GPBP1L1: variants seen among roughly 807,000 people sequenced by gnomAD.
The protein encoded by GPBP1L1 is vasculin-like protein 1.
In GPBP1L1, 23 loss-of-function variants were observed where a neutral mutation model predicts 52.5. That is an observed-to-expected ratio of 0.44 (90% CI 0.32 to 0.62). The LOEUF is 0.62. Ranked by LOEUF, GPBP1L1 falls within the 20% of genes least tolerant of loss-of-function variation. The pLI is 0.06. For synonymous variants in GPBP1L1, 243 were observed against 203.1 expected, an observed-to-expected ratio of 1.20 and a Z score of -1.67; for missense variants, 596 against 579.3, an observed-to-expected ratio of 1.03 and a Z score of -0.30.
intron 6 of GPBP1L1, among the ~76,000 whole-genome samples, chr1:45,647,166 ATTT>A (rs778113669): frequency 3.6e-5 from 4 of 112,646 alleles, no homozygotes; most frequent in Admixed American, 9.7e-5. Flanking sequence ...ACTTCTTAGG[ATTT>A]TTTTTTTTTT....
At chr1:45,639,043 A>G (rs766152111) in intron 8 of GPBP1L1, among the ~76,000 whole-genome samples, 47 of 152,176 alleles carry the variant, frequency 3.1e-4, no homozygotes, top group Admixed American at 4.6e-4. Context: ...ACATTTTTAA[A>G]GAGCTGGAAA....
intron 2 of GPBP1L1, among the ~76,000 whole-genome samples, chr1:45,662,211 C>T (rs1390522116): frequency 6.6e-6 from 1 of 152,150 alleles, no homozygotes; most frequent in African/African-American, 2.4e-5. Context: ...CTCGCTGCAT[C>T]CTTGAACTCC....
At chr1:45,637,565 CCT>C (rs1262409821) in intron 8 of GPBP1L1, among the ~76,000 whole-genome samples, 2 of 103,306 alleles carry the variant, frequency 1.9e-5, no homozygotes, top group African/African-American at 6.7e-5. Flanking sequence ...TCATTCTACC[CCT>C]GACTCACAAC....
chr1:45,647,182 T>C (rs1322649315), intron 6 of GPBP1L1, among the ~76,000 whole-genome samples: 1 of 151,734 alleles, frequency 6.6e-6, no homozygotes, highest in Admixed American at 6.6e-5. Flanking sequence ...TTTTTTTTTT[T>C]TCTGAGACCA....
chr1:45,644,202 G>A (rs1644710892), intron 6 of GPBP1L1, among the ~76,000 whole-genome samples: 1 of 152,132 alleles, frequency 6.6e-6, no homozygotes, highest in South Asian at 2.1e-4. Flanking sequence ...TTCAAGGACA[G>A]GTAAATACAT....
At chr1:45,663,049 T>TGAAAAAAAAAA (rs1211847843) in intron 2 of GPBP1L1, among the ~76,000 whole-genome samples, 1 of 15,346 alleles carries the variant, frequency 6.5e-5, no homozygotes, top group Non-Finnish European at 1.5e-4. Flanking sequence ...AGACTCTGTC[T>TGAAAAAAAAAA]CAAAAAAAAA....
Position 45,660,367 on chromosome 1 carries a change from C to G in GPBP1L1, c.-239G>C. The G allele has an allele frequency of 1.0e-6, 1 of 984,386 alleles. No homozygotes were observed. The highest frequency in any genetic ancestry group is 1.2e-6 in the Non-Finnish European group (1 of 829,756). 61.0% of individuals were successfully genotyped at this position (984,386 alleles called of 1,614,324 possible). On this transcript the variant is annotated 5_prime_UTR_variant, in exon 3 of 13. It removes the in-frame stop codon of an upstream open reading frame in the 5' UTR. Coordinates refer to ENST00000355105, the MANE Select transcript of GPBP1L1 (RefSeq NM_021639.5). ...AGTCCCCTCAACTGCTCATCTTAAA[C>G]TATTTGGTTCCTGACACGTTTCCAA...
rs1434895885 is a variant in GPBP1L1, at chr1:45,637,209, GAC to G, written c.745-2975_745-2974del. Among the ~76,000 whole-genome samples the G allele has an allele frequency of 3.3e-5, 5 of 152,240 alleles. No homozygotes were observed. The East Asian group carries it at 7.7e-4, about 23-fold the overall frequency. Reference sequence around the variant, plus strand: ...CCAAGTATTATTTTGTGTCTCTAGTGACACAGTGTTTACTACTCAGATACTCA... The same window carrying G: ...CCAAGTATTATTTTGTGTCTCTAGTGACAGTGTTTACTACTCAGATACTCA... On this transcript the variant is annotated intron_variant, in intron 8 of 12. Transcript: ENST00000355105.
intron 2 of GPBP1L1, among the ~76,000 whole-genome samples, chr1:45,665,185 G>T (rs543364982): frequency 2.1e-4 from 32 of 152,056 alleles, no homozygotes; most frequent in Non-Finnish European, 3.7e-4. Context: ...AGCTACTTGG[G>T]AGGCTGAGGC....
At chr1:45,658,975 A>AC in intron 4 of GPBP1L1, 53 bp downstream of exon 4, 4 of 1,257,362 alleles carry the variant, frequency 3.2e-6, no homozygotes, top group Non-Finnish European at 4.6e-6. Context: ...AACCAAAACC[A>AC]CCCCCAAACC....
chr1:45,658,067 A>G (rs929240356), intron 4 of GPBP1L1, among the ~76,000 whole-genome samples: 16 of 152,196 alleles, frequency 1.1e-4, no homozygotes, highest in Non-Finnish European at 1.5e-5. Context: ...CGTTTTATCA[A>G]TAACTCAGGC....
chr1:45,660,263 G>T lies in GPBP1L1; in HGVS notation c.-135C>A. On this transcript the variant is annotated 5_prime_UTR_variant, in exon 3 of 13. Coordinates refer to ENST00000355105, the MANE Select transcript of GPBP1L1 (RefSeq NM_021639.5). ...CTCCCACAAGGTTTCCTTGTTAAAA[G>T]GGTGCTTAAGTAACCTGGCCGGCAG... The T allele has an allele frequency of 1.0e-6, 1 of 985,294 alleles. No homozygotes were observed. Among genetic ancestry groups the T allele is most frequent in the African/African-American group, 1.7e-5 (1 of 57,300 alleles). 61.0% of individuals were successfully genotyped at this position (985,294 alleles called of 1,614,324 possible).
At chr1:45,633,809 G>T in intron 9 of GPBP1L1, 162 bp from the exon 10 acceptor site, 1 of 768,858 alleles carries the variant, frequency 1.3e-6, no homozygotes, top group Non-Finnish European at 2.0e-6. Flanking sequence ...GTTTTGCAGG[G>T]TTTATATAGT....
Position 45,640,397 on chromosome 1 carries a change from G to T in GPBP1L1, c.557C>A (p.Pro186Gln). Residue 186 changes from proline (P) to glutamine (Q), a missense_variant, in exon 8 of 13, where the codon CCG (proline) becomes CAG (glutamine). Pro to Gln is a moderately conservative substitution (Grantham distance 76). Coordinates refer to ENST00000355105, the MANE Select transcript of GPBP1L1 (RefSeq NM_021639.5). ...CTTGGAGGGTTGCTTGGCACTAGGC[G>T]GGTTTTCTGTGAAGTACAAGAGTGG... is the stretch of plus-strand genomic sequence containing the variant. ...IGTPSGVWEN[P>Q]PSAKQPSKML... The T allele has an allele frequency of 6.2e-7, 1 of 1,613,268 alleles. No individual in the cohort carries two copies. The highest frequency in any genetic ancestry group is 8.5e-7 in the Non-Finnish European group (1 of 1,179,764).
At chr1:45,675,094 CA>C (rs1015885151) in intron 2 of GPBP1L1, among the ~76,000 whole-genome samples, 1 of 152,072 alleles carries the variant, frequency 6.6e-6, no homozygotes, top group Non-Finnish European at 1.5e-5. Context: ...GTCAAGAGAT[CA>C]AGACCATTCT....
In GPBP1L1 at chr1:45,634,101, T is replaced by C; in HGVS notation, c.880A>G (p.Lys294Glu). The C allele has an allele frequency of 5.0e-6, 8 of 1,606,912 alleles. No individual in the cohort carries two copies. The highest frequency in any genetic ancestry group is 1.3e-5 in the African/African-American group (1 of 74,776). Residue 294 changes from lysine (K) to glutamate (E), a missense_variant, in exon 9 of 13, where the codon AAA becomes GAA. Coordinates refer to ENST00000355105, the MANE Select transcript of GPBP1L1 (RefSeq NM_021639.5). ...LASGAALSSP[K>E]ESPSSTTPPI... ...CCTGCTTCATCCTCACTCACCTCTT[T>C]GGGAGAACTCAGAGCTGCACCACTA...
At chr1:45,650,192 T>C (rs769947030) in intron 6 of GPBP1L1, among the ~76,000 whole-genome samples, 12 of 152,290 alleles carry the variant, frequency 7.9e-5, no homozygotes, top group Non-Finnish European at 1.8e-4. Context: ...TTCTTACTCC[T>C]CAGGTTTCAA....
chr1:45,651,531 G>A, intron 6 of GPBP1L1: 1 of 530,654 alleles, frequency 1.9e-6, no homozygotes, highest in Admixed American at 2.8e-5. Context: ...CTGTACTTGT[G>A]GGCCAGCTTA....
intron 6 of GPBP1L1, chr1:45,645,967 A>G: frequency 2.0e-6 from 1 of 496,764 alleles, no homozygotes; most frequent in Non-Finnish European, 3.9e-6. Context: ...TTTGAGTTGC[A>G]AATCAAAGCT....
Sources: allele counts gnomAD v4.1 joint callset (sites outside exome capture counted in the v4.1 genomes callset), GRCh38; gene constraint gnomAD v4.1.1; transcripts MANE v1.5; gene names NCBI Gene and HGNC (gene_info 2026-07-23, HGNC 2026-07-21).